Variants in FRY observed in about 807,000 individuals in gnomAD.
FRY encodes the protein FRY microtubule binding protein, also known as protein furry homolog.
Under a neutral mutation model 348.4 loss-of-function variants are expected in FRY, and 128 were observed. The ratio of observed to expected loss-of-function variants is 0.37; its 90% CI spans 0.32 to 0.43. The LOEUF is 0.43. Among genes scored for constraint, FRY ranks in the 20% least tolerant of loss-of-function variants. The probability of loss-of-function intolerance (pLI) is 1.00; values close to 1 mark genes in which losing one functional copy is unlikely to be tolerated. For synonymous variants in FRY, 1,370 were observed against 1,374.7 expected, an observed-to-expected ratio of 1.00 and a Z score of 0.08; for missense variants, 2,736 against 3,695.2, an observed-to-expected ratio of 0.74 and a Z score of 6.73.
intron 60 of FRY, 79 bp downstream of exon 60, chr13:32,294,649 C>T: frequency 9.2e-7 from 1 of 1,083,730 alleles, no homozygotes. Flanking sequence ...GGAGTCTAGC[C>T]CACTACGGAA....
chr13:32,228,537 T>C lies in FRY; in HGVS notation c.5288T>C (p.Ile1763Thr). The C allele has an allele frequency of 6.2e-7, 1 of 1,613,740 alleles. No homozygotes were observed. The highest frequency in any genetic ancestry group is 8.5e-7 in the Non-Finnish European group (1 of 1,179,780). ...GLSSSSTSSS[I>T]SLGGSSGNLP... is the part of the protein sequence containing the mutation. ...AGTTCAAGCTCCACCTCCTCTAGCA[T>C]CAGTCTGGGAGGCAGCAGTGGAAAC... The change falls in exon 40 of 61, where the codon ATC becomes ACC. Residue 1763 changes from isoleucine (I) to threonine (T), a missense_variant. Ile to Thr is a moderately conservative substitution (Grantham distance 89). This residue lies in a region of FRY where 794 missense variants were observed against 977.0 expected (regional missense o/e 0.81). Coordinates refer to ENST00000542859, the MANE Select transcript of FRY (RefSeq NM_023037.3).
At chr13:32,221,773 A>G (rs1242021425) in intron 36 of FRY, among the ~76,000 whole-genome samples, 1 of 152,212 alleles carries the variant, frequency 6.6e-6, no homozygotes, top group Non-Finnish European at 1.5e-5. Context: ...TGGGCCTTCC[A>G]AAATGCTGGG....
intron 17 of FRY, among the ~76,000 whole-genome samples, chr13:32,161,679 T>A (rs1881450979): frequency 1.4e-5 from 2 of 140,112 alleles, no homozygotes; most frequent in South Asian, 2.4e-4. Context: ...ATGAGATGGG[T>A]CTGGCCAAAA....
At chr13:32,224,109 T>TA in intron 36 of FRY, 126 bp from the exon 37 acceptor site, 1 of 987,610 alleles carries the variant, frequency 1.0e-6, no homozygotes, top group African/African-American at 1.6e-5. Flanking sequence ...AAAAAAAATT[T>TA]AAAAATGAAA....
At chr13:32,292,803 A>AAT (rs1284986583) in intron 59 of FRY, among the ~76,000 whole-genome samples, 3 of 151,100 alleles carry the variant, frequency 2.0e-5, no homozygotes, top group Non-Finnish European at 1.5e-5. Context: ...TAAATAAATA[A>AAT]ATAAATAAAT....
intron 49 of FRY, among the ~76,000 whole-genome samples, chr13:32,251,342 G>A (rs1426615729): frequency 1.3e-5 from 2 of 152,070 alleles, no homozygotes; most frequent in Admixed American, 6.5e-5. Context: ...GGCTTAAAAC[G>A]AATGAATTTT....
In FRY at chr13:32,296,350, G is replaced by A. The variant is rs1458997935; in HGVS notation, c.*890G>A. The A allele has an allele frequency of 6.6e-6, 1 of 152,596 alleles. No individual in the cohort carries two copies. Among genetic ancestry groups the A allele is most frequent in the Non-Finnish European group, 1.5e-5 (1 of 68,034 alleles). The allele number at this position is 152,596 out of a possible 1,614,324, so 9.5% of individuals were successfully genotyped here. The stretch of plus-strand genomic sequence containing the variant: ...ATTTTAATATCTGTTTGGATAGTCA[G>A]AAGTAGAATCATAAAGGTAAAATAT... On this transcript the variant is annotated 3_prime_UTR_variant, in exon 61 of 61. Transcript: ENST00000542859.
At chr13:32,295,066 T>A in intron 60 of FRY, 136 bp from the exon 61 acceptor site, 2 of 787,518 alleles carry the variant, frequency 2.5e-6, no homozygotes, top group Non-Finnish European at 4.4e-6. Flanking sequence ...CTTAGATGAG[T>A]GAATTACCTG....
In FRY at chr13:32,233,357, C is replaced by G. The variant is rs527938484; in HGVS notation, c.5528-1217C>G. Among the ~76,000 whole-genome samples the G allele has an allele frequency of 5.3e-5, 8 of 152,292 alleles. No individual in the cohort carries two copies. In the South Asian group the frequency reaches 1.7e-3, roughly 32 times the overall value. On this transcript the variant is annotated intron_variant, in intron 41 of 60. Coordinates refer to ENST00000542859, the MANE Select transcript of FRY (RefSeq NM_023037.3). ...TCTGTTTTCATTCAGTCCTCCTACC[C>G]TTGTAGTCTGCTTTTCTCCCTACAG...
intron 1 of FRY, among the ~76,000 whole-genome samples, chr13:32,064,090 T>G (rs1874099678): frequency 6.6e-6 from 1 of 152,042 alleles, no homozygotes; most frequent in Non-Finnish European, 1.5e-5. Flanking sequence ...AGATAGGAAA[T>G]GCGTATATAA....
At chr13:32,165,908 G>A (rs181011404) in intron 17 of FRY, among the ~76,000 whole-genome samples, 1 of 152,326 alleles carries the variant, frequency 6.6e-6, no homozygotes, top group Admixed American at 6.5e-5. Context: ...GACTTGTTCA[G>A]TAGCACCCTT....
chr13:32,211,158 A>C (rs1310070160), intron 34 of FRY, 124 bp downstream of exon 34: 2 of 897,034 alleles, frequency 2.2e-6, no homozygotes, highest in Non-Finnish European at 1.8e-6. Context: ...GCATTCAGTT[A>C]AGAGATGGCT....
At chr13:32,238,261 C>T (rs1020694233) in intron 44 of FRY, among the ~76,000 whole-genome samples, 1 of 151,820 alleles carries the variant, frequency 6.6e-6, no homozygotes, top group Non-Finnish European at 1.5e-5. Flanking sequence ...ACTGCAGGTG[C>T]TGTTAGTTTA....
chr13:32,202,041 G>A lies in FRY; in HGVS notation c.3846+1G>A. 6.5e-7 allele frequency: 1 copy of A among 1,532,290 alleles called. No individual in the cohort carries two copies. Among genetic ancestry groups the A allele is most frequent in the Non-Finnish European group, 9.0e-7 (1 of 1,105,858 alleles). 94.9% of individuals were successfully genotyped at this position (1,532,290 alleles called of 1,614,324 possible). ...TGAAATCTCCATGCAGCTCATGCAG[G>A]CACGTATCATTTACTGGCATAGAAA... On this transcript the variant is annotated splice_donor_variant, in intron 30 of 60. Coordinates refer to ENST00000542859, the MANE Select transcript of FRY (RefSeq NM_023037.3). LOFTEE classifies it high-confidence loss of function.
chr13:32,248,510 A>G (rs1367535650), intron 48 of FRY, among the ~76,000 whole-genome samples: 1 of 150,242 alleles, frequency 6.7e-6, no homozygotes, highest in East Asian at 2.0e-4. Flanking sequence ...CTGCACATGT[A>G]CCCCAGAACT....
chr13:32,109,749 C>T (rs773781484), intron 3 of FRY, among the ~76,000 whole-genome samples: 12 of 152,078 alleles, frequency 7.9e-5, no homozygotes, highest in Non-Finnish European at 1.6e-4. Flanking sequence ...GCTGTAAATC[C>T]GTTATGCATA....
chr13:32,071,484 G>T (rs183440395), intron 1 of FRY, among the ~76,000 whole-genome samples: 4 of 152,262 alleles, frequency 2.6e-5, no homozygotes, highest in East Asian at 3.9e-4. Context: ...AATTGTGACT[G>T]GGAGTTCACT....
chr13:32,202,235 T>TC, intron 30 of FRY, 121 bp from the exon 31 acceptor site: 1 of 883,952 alleles, frequency 1.1e-6, no homozygotes, highest in Non-Finnish European at 1.9e-6. Context: ...TACCTTTAAT[T>TC]CTATTTTTAA....
intron 29 of FRY, among the ~76,000 whole-genome samples, chr13:32,197,776 T>C (rs1883763168): frequency 6.6e-6 from 1 of 152,344 alleles, no homozygotes; most frequent in East Asian, 1.9e-4. Context: ...TCTTGAGCTT[T>C]GTCACATAGT....
Sources: gnomAD v4.1 joint callset for allele counts (sites outside exome capture counted in the v4.1 genomes callset) on GRCh38, gnomAD v4.1.1 for gene constraint, gnomAD v4.1.1 regional missense constraint, MANE v1.5 for transcripts, NCBI Gene and HGNC (gene_info 2026-07-23, HGNC 2026-07-21) for gene names.